Variants in MEIKIN observed in about 807,000 individuals in gnomAD.
MEIKIN encodes meiotic kinetochore factor.
chr5:131,845,272 TAAAAAAAAAAAA>T lies in MEIKIN; in HGVS notation c.975+5980_975+5991del, dbSNP rs1158220526. On this transcript the variant is annotated intron_variant, in intron 11 of 12. Coordinates refer to ENST00000442687, the MANE Select transcript of MEIKIN (RefSeq NM_001303622.2). ...GTGACAGAGCGAGAAGACTTCGTCT[TAAAAAAAAAAAA>T]AAAAAAAAAAAAAAAAGATGGCAAA... 2.2e-4 allele frequency among the ~76,000 whole-genome samples: 10 copies of T among 45,360 alleles called. 1 individual carries two copies. In the East Asian group the frequency reaches 3.1e-3, roughly 14 times the overall value. 29.8% of individuals were successfully genotyped at this position (45,360 alleles called of 152,430 possible).
chr5:131,888,311 TTTACAGTCCCACC>T (rs1750839375), intron 8 of MEIKIN, among the ~76,000 whole-genome samples: 1 of 142,564 alleles, frequency 7.0e-6, no homozygotes, highest in Non-Finnish European at 1.5e-5. Context: ...GTTGAACTAG[TTTACAGTCCCACC>T]AACAGTGTAA....
intron 9 of MEIKIN, among the ~76,000 whole-genome samples, chr5:131,870,889 C>G (rs1241830964): frequency 2.0e-5 from 3 of 152,150 alleles, no homozygotes; most frequent in Admixed American, 2.0e-4. Flanking sequence ...TAATTCCTTA[C>G]AGTGACAATC....
intron 8 of MEIKIN, among the ~76,000 whole-genome samples, chr5:131,885,448 G>C (rs953278904): frequency 7.0e-6 from 1 of 143,472 alleles, no homozygotes; most frequent in Admixed American, 7.2e-5. Flanking sequence ...TGTTTGTATG[G>C]GAGAAAGTAA....
intron 9 of MEIKIN, among the ~76,000 whole-genome samples, chr5:131,863,658 A>G (rs1000237304): frequency 7.0e-6 from 1 of 143,704 alleles, no homozygotes; most frequent in Non-Finnish European, 1.5e-5. Flanking sequence ...TTTGCATGGA[A>G]TATCTTTTTC....
chr5:131,825,563 G>A (rs769259923), intron 11 of MEIKIN, among the ~76,000 whole-genome samples: 1 of 152,142 alleles, frequency 6.6e-6, no homozygotes, highest in African/African-American at 2.4e-5. Flanking sequence ...AGTCACACAG[G>A]CATGTAGTTC....
intron 11 of MEIKIN, among the ~76,000 whole-genome samples, chr5:131,848,091 C>T (rs1750048628): frequency 6.6e-6 from 1 of 151,964 alleles, no homozygotes; most frequent in South Asian, 2.1e-4. Flanking sequence ...TGTCTCAAAT[C>T]AACAACCTAA....
intron 4 of MEIKIN, 92 bp from the exon 5 acceptor site, chr5:131,933,733 T>C (rs1219571974): frequency 2.6e-6 from 1 of 390,558 alleles, no homozygotes; most frequent in Non-Finnish European, 4.5e-6. Context: ...TGTACATGCT[T>C]AGTTATATAT....
At chr5:131,832,128 G>A (rs1214398152) in intron 11 of MEIKIN, among the ~76,000 whole-genome samples, 2 of 152,102 alleles carry the variant, frequency 1.3e-5, no homozygotes, top group African/African-American at 2.4e-5. Flanking sequence ...TCTGAGACAA[G>A]GCAAGTCCCT....
chr5:131,902,698 T>G (rs534166731), intron 8 of MEIKIN, among the ~76,000 whole-genome samples: 1 of 152,174 alleles, frequency 6.6e-6, no homozygotes, highest in African/African-American at 2.4e-5. Context: ...CCCACAAAGA[T>G]GGGAAAGAAC....
chr5:131,915,138 T>C (rs1282037206), intron 7 of MEIKIN, among the ~76,000 whole-genome samples: 2 of 152,162 alleles, frequency 1.3e-5, no homozygotes, highest in African/African-American at 2.4e-5. Flanking sequence ...ACACCTGGCA[T>C]AGGTGTTCTG....
intron 11 of MEIKIN, among the ~76,000 whole-genome samples, chr5:131,836,364 G>A (rs1339352101): frequency 2.0e-5 from 3 of 152,254 alleles, no homozygotes; most frequent in African/African-American, 7.2e-5. Context: ...ACATACACAT[G>A]CATGTGTCTT....
intron 8 of MEIKIN, among the ~76,000 whole-genome samples, chr5:131,902,781 G>A (rs1751181130): frequency 6.6e-6 from 1 of 152,146 alleles, no homozygotes; most frequent in Non-Finnish European, 1.5e-5. Flanking sequence ...TAGTTCCCCA[G>A]CAATGATTGT....
intron 8 of MEIKIN, among the ~76,000 whole-genome samples, chr5:131,891,772 T>C (rs1449355071): frequency 6.6e-6 from 1 of 152,188 alleles, no homozygotes; most frequent in Non-Finnish European, 1.5e-5. Context: ...TGTCAGCTGG[T>C]TATTTTGCTC....
chr5:131,910,579 G>C (rs180720736), intron 8 of MEIKIN, among the ~76,000 whole-genome samples: 8 of 152,164 alleles, frequency 5.3e-5, no homozygotes, highest in Admixed American at 2.6e-4. Context: ...ATAACTAAAA[G>C]AGTATAACTG....
intron 9 of MEIKIN, among the ~76,000 whole-genome samples, chr5:131,864,043 T>G (rs1366295813): frequency 2.0e-5 from 3 of 152,194 alleles, no homozygotes; most frequent in Non-Finnish European, 2.9e-5. Context: ...CCTTTGAGTC[T>G]CTATTTTTCT....
chr5:131,846,284 T>C (rs1750021993), intron 11 of MEIKIN, among the ~76,000 whole-genome samples: 1 of 152,130 alleles, frequency 6.6e-6, no homozygotes, highest in Non-Finnish European at 1.5e-5. Context: ...GGGAGTCCTA[T>C]AAGGTGAAAT....
At chr5:131,907,762 C>T (rs1328637576) in intron 8 of MEIKIN, among the ~76,000 whole-genome samples, 1 of 151,970 alleles carries the variant, frequency 6.6e-6, no homozygotes, top group Non-Finnish European at 1.5e-5. Flanking sequence ...ATCCCAGCTA[C>T]TCAGGAGGCT....
At chr5:131,864,317 G>T (rs1453174158) in intron 9 of MEIKIN, among the ~76,000 whole-genome samples, 3 of 151,896 alleles carry the variant, frequency 2.0e-5, no homozygotes, top group Admixed American at 6.6e-5. Context: ...CTCCTCCTTT[G>T]TGTGTTTGCT....
intron 8 of MEIKIN, among the ~76,000 whole-genome samples, chr5:131,885,974 T>G (rs1321592014): frequency 2.0e-5 from 3 of 152,048 alleles, no homozygotes; most frequent in Admixed American, 6.5e-5. Flanking sequence ...TTTAAATAAC[T>G]AAAAAGAAAT....
Sources: allele counts gnomAD v4.1 joint callset (sites outside exome capture counted in the v4.1 genomes callset), GRCh38; gene constraint gnomAD v4.1.1; transcripts MANE v1.5; gene names NCBI Gene and HGNC (gene_info 2026-07-23, HGNC 2026-07-21).